Variants in NCKAP5 observed in about 807,000 individuals in gnomAD.
NCKAP5 encodes the protein NCK associated protein 5.
NCKAP5 carries 92 observed loss-of-function variants against 167.0 expected under a neutral mutation model. The ratio of observed to expected loss-of-function variants is 0.55; its 90% CI spans 0.47 to 0.66. The LOEUF is 0.66. Ranked by LOEUF, NCKAP5 falls within the 30% of genes least tolerant of loss-of-function variation. The pLI, the probability that NCKAP5 is intolerant of heterozygous loss-of-function variation, is 0.00. For synonymous variants in NCKAP5, 891 were observed against 877.4 expected (o/e 1.02, Z -0.27); for missense variants, 2,378 against 2,315.0 (o/e 1.03, Z -0.56).
intron 12 of NCKAP5, among the ~76,000 whole-genome samples, chr2:132,794,267 G>T (rs867938158): frequency 0.013 from 616 of 48,180 alleles, 1 homozygote; most frequent in African/African-American, 0.017. Context: ...TATATATAGA[G>T]AGAGAGAGAG....
chr2:133,306,950 G>C (rs532514916), intron 3 of NCKAP5, among the ~76,000 whole-genome samples: 1 of 152,062 alleles, frequency 6.6e-6, no homozygotes, highest in Admixed American at 6.5e-5. Flanking sequence ...TGTCATCTAG[G>C]GAGAAAAAAT....
intron 8 of NCKAP5, among the ~76,000 whole-genome samples, chr2:132,955,557 T>C (rs1009234959): frequency 1.3e-5 from 2 of 152,222 alleles, no homozygotes; most frequent in East Asian, 1.9e-4. Context: ...CAGTTTATCA[T>C]TGATGGGCAT....
chr2:133,308,602 T>C (rs114372973), intron 3 of NCKAP5, among the ~76,000 whole-genome samples: 1,571 of 150,200 alleles, frequency 0.01, 26 homozygotes, highest in African/African-American at 0.037. Flanking sequence ...TTTGTGACAA[T>C]ATGAAAAGAC....
intron 6 of NCKAP5, among the ~76,000 whole-genome samples, chr2:133,012,293 G>T (rs1364929820): frequency 6.6e-6 from 1 of 152,106 alleles, no homozygotes; most frequent in South Asian, 2.1e-4. Flanking sequence ...TGTCACCCAG[G>T]CTGGAGGGCA....
chr2:132,758,338 AGG>A (rs1680723495), intron 16 of NCKAP5, among the ~76,000 whole-genome samples: 1 of 152,196 alleles, frequency 6.6e-6, no homozygotes, highest in African/African-American at 2.4e-5. Flanking sequence ...GCTAGATTAT[AGG>A]GTTTTTGTAA....
intron 8 of NCKAP5, among the ~76,000 whole-genome samples, chr2:132,896,062 G>A (rs1454119706): frequency 3.3e-5 from 5 of 152,180 alleles, no homozygotes; most frequent in Admixed American, 2.6e-4. Flanking sequence ...TTGAACCCAG[G>A]AGGTGGAGGT....
At chr2:133,439,600 A>G (rs193090142) in intron 3 of NCKAP5, among the ~76,000 whole-genome samples, 67 of 152,336 alleles carry the variant, frequency 4.4e-4, no homozygotes, top group African/African-American at 1.6e-3. Flanking sequence ...TAAACATACA[A>G]ATGTACATAT....
the NCKAP5 span, among the ~76,000 whole-genome samples, chr2:133,617,103 C>T: frequency 6.6e-6 from 1 of 152,128 alleles, no homozygotes; most frequent in Non-Finnish European, 1.5e-5. Context: ...AATTCAACAG[C>T]CCTTCATGCT....
intron 1 of NCKAP5, among the ~76,000 whole-genome samples, chr2:133,563,659 A>G (rs1447750949): frequency 6.6e-6 from 1 of 150,890 alleles, no homozygotes; most frequent in Admixed American, 6.6e-5. Flanking sequence ...GGCGTTAGAC[A>G]CTTTGGAAAG....
chr2:132,893,151 A>G (rs1692861552), intron 8 of NCKAP5, among the ~76,000 whole-genome samples: 1 of 152,224 alleles, frequency 6.6e-6, no homozygotes, highest in South Asian at 2.1e-4. Flanking sequence ...AAAACATCTT[A>G]CATGGCAAGC....
intron 6 of NCKAP5, among the ~76,000 whole-genome samples, chr2:133,062,024 C>T (rs1427129555): frequency 2.0e-5 from 3 of 152,268 alleles, no homozygotes; most frequent in Admixed American, 6.5e-5. Flanking sequence ...TCTTACTATG[C>T]TTTCATTTTC....
At chr2:133,151,429 A>C (rs576094119) in intron 5 of NCKAP5, among the ~76,000 whole-genome samples, 2 of 152,330 alleles carry the variant, frequency 1.3e-5, no homozygotes, top group South Asian at 2.1e-4. Flanking sequence ...CAAAATATAC[A>C]ACGAATGCTT....
At chr2:133,204,469 G>T (rs1233755420) in intron 5 of NCKAP5, among the ~76,000 whole-genome samples, 1 of 152,122 alleles carries the variant, frequency 6.6e-6, no homozygotes, top group Admixed American at 6.6e-5. Flanking sequence ...CACACACACA[G>T]ATCGACTTCA....
intron 19 of NCKAP5, among the ~76,000 whole-genome samples, chr2:132,682,893 T>G (rs116103137): frequency 0.035 from 5,318 of 151,808 alleles, 314 homozygotes; most frequent in African/African-American, 0.12. Context: ...TTTACTTTTT[T>G]TTTTTTTTTG....
intron 3 of NCKAP5, among the ~76,000 whole-genome samples, chr2:133,385,146 C>T (rs537767441): frequency 6.6e-6 from 1 of 152,250 alleles, no homozygotes; most frequent in South Asian, 2.1e-4. Context: ...GGAATCCTTC[C>T]AGTTTTTGCC....
At chr2:133,287,046 A>G (rs942293448) in intron 4 of NCKAP5, among the ~76,000 whole-genome samples, 1 of 152,208 alleles carries the variant, frequency 6.6e-6, no homozygotes, top group East Asian at 1.9e-4. Context: ...TACAGAACTC[A>G]CTATCTCAAG....
chr2:133,470,918 C>T (rs1369287258), intron 3 of NCKAP5, among the ~76,000 whole-genome samples: 1 of 152,274 alleles, frequency 6.6e-6, no homozygotes, highest in African/African-American at 2.4e-5. Flanking sequence ...GTCTGGCACT[C>T]CCTAGTGAGA....
intron 1 of NCKAP5, among the ~76,000 whole-genome samples, chr2:133,567,340 A>C (rs906141414): frequency 1.3e-5 from 2 of 152,210 alleles, no homozygotes; most frequent in Non-Finnish European, 2.9e-5. Context: ...CAGCCGGTGC[A>C]GGTGGGATAA....
the NCKAP5 span, among the ~76,000 whole-genome samples, chr2:133,583,761 T>A: frequency 6.6e-6 from 1 of 152,174 alleles, no homozygotes; most frequent in African/African-American, 2.4e-5. Flanking sequence ...ACCTTTTTTT[T>A]TTCTTGTTTT....
Sources: allele counts gnomAD v4.1 joint callset (sites outside exome capture counted in the v4.1 genomes callset), GRCh38; gene constraint gnomAD v4.1.1; transcripts MANE v1.5; gene names NCBI Gene and HGNC (gene_info 2026-07-23, HGNC 2026-07-21).